LGR5: variants seen among roughly 807,000 people sequenced by gnomAD.
LGR5 encodes the protein leucine-rich repeat-containing G protein-coupled receptor 5.
Under a neutral mutation model 76.7 loss-of-function variants are expected in LGR5, and 54 were observed. The ratio of observed to expected loss-of-function variants is 0.70; its 90% confidence interval spans 0.57 to 0.88. The LOEUF (loss-of-function observed/expected upper bound fraction) is 0.88. LGR5 is among the 40% of genes least tolerant of loss of function. LGR5 has a pLI of 0.00. For missense variants in LGR5, 1,078 were observed against 1,073.3 expected (o/e 1.00, Z -0.06); for synonymous variants, 406 against 421.9 (o/e 0.96, Z 0.46).
At chr12:71,570,000 C>T (rs966395135) in intron 11 of LGR5, among the ~76,000 whole-genome samples, 6 of 152,098 alleles carry the variant, frequency 3.9e-5, no homozygotes, top group African/African-American at 9.7e-5. Context: ...CAGATCATGT[C>T]CTTTGCAGGG....
chr12:71,531,748 A>C (rs140406587), intron 3 of LGR5, among the ~76,000 whole-genome samples: 7,203 of 152,186 alleles, frequency 0.047, 218 homozygotes, highest in Middle Eastern at 0.12. Flanking sequence ...CACGCCTCTA[A>C]TCCCAGCTAC....
intron 4 of LGR5, among the ~76,000 whole-genome samples, chr12:71,544,923 T>G (rs2137390518): frequency 6.6e-6 from 1 of 152,266 alleles, no homozygotes; most frequent in South Asian, 2.1e-4. Flanking sequence ...TCTCACAAAA[T>G]GTACAATGTA....
intron 1 of LGR5, among the ~76,000 whole-genome samples, chr12:71,471,865 A>G (rs1210100315): frequency 6.6e-6 from 1 of 152,204 alleles, no homozygotes. Context: ...ATTAGCTATC[A>G]TTATTACTAA....
intron 2 of LGR5, among the ~76,000 whole-genome samples, chr12:71,516,754 C>T (rs944104906): frequency 6.6e-6 from 1 of 151,882 alleles, no homozygotes; most frequent in African/African-American, 2.4e-5. Context: ...TTTGATTTAT[C>T]GAAAAAGGAA....
At chr12:71,502,781 C>T (rs1000522197) in intron 1 of LGR5, among the ~76,000 whole-genome samples, 2 of 152,170 alleles carry the variant, frequency 1.3e-5, no homozygotes, top group African/African-American at 4.8e-5. Flanking sequence ...CTTGCATAAG[C>T]CTCACTTCCA....
chr12:71,467,609 A>G (rs541442919), intron 1 of LGR5, among the ~76,000 whole-genome samples: 4 of 152,328 alleles, frequency 2.6e-5, no homozygotes, highest in Admixed American at 1.3e-4. Context: ...AGCTACATGT[A>G]ACTTCAGTAA....
At chr12:71,531,838 C>G (rs1177747909) in intron 3 of LGR5, among the ~76,000 whole-genome samples, 1 of 152,022 alleles carries the variant, frequency 6.6e-6, no homozygotes, top group Non-Finnish European at 1.5e-5. Flanking sequence ...ACTGCACTCC[C>G]GTGTGGGCGA....
rs1879310870 is a variant in LGR5 at position 71,586,215 on chromosome 12, T to C, written c.*1481T>C. The C allele has an allele frequency of 6.6e-6, 1 of 152,136 alleles. No homozygotes were observed. Among genetic ancestry groups the C allele is most frequent in the African/African-American group, 2.4e-5 (1 of 41,442 alleles). The allele number at this position is 152,136 out of a possible 1,614,324, so 9.4% of individuals were successfully genotyped here. A position where few individuals can be genotyped will look rare whatever the true frequency, so the allele number is the denominator to read the frequency against. On this transcript the variant is annotated 3_prime_UTR_variant, in exon 18 of 18. Coordinates refer to ENST00000266674, the MANE Select transcript of LGR5 (RefSeq NM_003667.4). ...TTTCTTTAAATTCATTAACTGTATA[T>C]ATGTAAATATATAGTACTTGTAAAT...
intron 2 of LGR5, among the ~76,000 whole-genome samples, chr12:71,508,463 G>T (rs1592500015): frequency 6.6e-6 from 1 of 151,874 alleles, no homozygotes; most frequent in Admixed American, 6.6e-5. Context: ...GTTTAAAAAA[G>T]CAAGTAACTC....
chr12:71,464,559 T>C (rs934883887), intron 1 of LGR5, among the ~76,000 whole-genome samples: 1 of 151,994 alleles, frequency 6.6e-6, no homozygotes, highest in Non-Finnish European at 1.5e-5. Flanking sequence ...AGAAGATGGA[T>C]TGAAAGAGAC....
At chr12:71,561,713 G>GACC (rs1878065501) in intron 7 of LGR5, 68 bp from the exon 8 acceptor site, 1 of 831,396 alleles carries the variant, frequency 1.2e-6, no homozygotes, top group Non-Finnish European at 1.9e-6. Context: ...ACTGTGGTCA[G>GACC]GGTGGGGGCC....
At chr12:71,446,489 G>C (rs1871999436) in intron 1 of LGR5, among the ~76,000 whole-genome samples, 1 of 152,116 alleles carries the variant, frequency 6.6e-6, no homozygotes, top group South Asian at 2.1e-4. Flanking sequence ...CCTTGTGGTG[G>C]GGCAACTTGT....
chr12:71,499,166 G>A (rs1874477827), intron 1 of LGR5, among the ~76,000 whole-genome samples: 2 of 152,164 alleles, frequency 1.3e-5, no homozygotes. Context: ...AAAGACAGGG[G>A]CTAGGGAGTT....
chr12:71,462,541 T>C (rs762378832), intron 1 of LGR5, among the ~76,000 whole-genome samples: 4 of 152,142 alleles, frequency 2.6e-5, no homozygotes, highest in African/African-American at 4.8e-5. Flanking sequence ...GTTTCTCCCA[T>C]GGGCAAAAGT....
chr12:71,561,319 G>A lies in LGR5; in HGVS notation c.786-462G>A, dbSNP rs762450161. On this transcript the variant is annotated intron_variant, in intron 7 of 17. Coordinates refer to ENST00000266674, the MANE Select transcript of LGR5 (RefSeq NM_003667.4). ...TTATAACTACAGATTCACTGAGCCAGGGCACCTTTCTTCAAGTCAGAAAAT... is the reference window on the plus strand; with the variant it reads ...TTATAACTACAGATTCACTGAGCCAAGGCACCTTTCTTCAAGTCAGAAAAT... 3.0e-4 allele frequency among the ~76,000 whole-genome samples: 46 copies of A among 152,272 alleles called. 1 individual carries two copies. The South Asian group carries it at 4.6e-3, about 15-fold the overall frequency.
chr12:71,525,957 A>G (rs1288842731), intron 3 of LGR5, among the ~76,000 whole-genome samples: 2 of 151,928 alleles, frequency 1.3e-5, no homozygotes, highest in African/African-American at 4.8e-5. Context: ...TTCTAATTGT[A>G]TTCACTAGTG....
intron 1 of LGR5, among the ~76,000 whole-genome samples, chr12:71,496,390 AAAG>A (rs985956113): frequency 2.8e-5 from 4 of 143,694 alleles, no homozygotes; most frequent in Non-Finnish European, 4.5e-5. Context: ...AAAAAAAAAA[AAAG>A]AGAGAGAGAG....
intron 4 of LGR5, among the ~76,000 whole-genome samples, chr12:71,548,324 T>C (rs192567660): frequency 1.2e-3 from 179 of 151,904 alleles, no homozygotes; most frequent in African/African-American, 4.2e-3. Flanking sequence ...TGTGTGTGTG[T>C]GCGTAGATAC....
intron 1 of LGR5, among the ~76,000 whole-genome samples, chr12:71,468,998 G>C (rs1872977183): frequency 6.6e-6 from 1 of 152,116 alleles, no homozygotes; most frequent in Non-Finnish European, 1.5e-5. Context: ...TGTTCGAAAA[G>C]AGAATTGATG....
Sources: gnomAD v4.1 joint callset for allele counts (sites outside exome capture counted in the v4.1 genomes callset) on GRCh38, gnomAD v4.1.1 for gene constraint, MANE v1.5 for transcripts, NCBI Gene and HGNC (gene_info 2026-07-23, HGNC 2026-07-21) for gene names.